KLK13: variants seen among roughly 807,000 people sequenced by gnomAD.
The protein encoded by KLK13 is kallikrein-13.
A neutral mutation model predicts 22.4 loss-of-function variants in KLK13; 19 were observed. The observed-to-expected ratio is 0.85, with a 90% CI of 0.59 to 1.24. The LOEUF (loss-of-function observed/expected upper bound fraction) is 1.24. Ranked by LOEUF, KLK13 falls within the 50% of genes most tolerant of loss-of-function variation. KLK13 has a pLI of 0.00. For missense variants in KLK13, 311 were observed against 347.9 expected (o/e 0.89, Z 0.84); for synonymous variants, 156 against 141.8 (o/e 1.10, Z -0.71).
rs1255278301 is a variant in KLK13 at position 51,060,018 on chromosome 19, G to T, written c.315C>A (p.His105Gln). The change falls in exon 3 of 5, where the codon CAC becomes CAA. Residue 105 changes from histidine to glutamine, a missense_variant. His to Gln is a conservative substitution (Grantham distance 24). Coordinates refer to ENST00000595793, the MANE Select transcript of KLK13 (RefSeq NM_015596.3). ...EAGEQVREVV[H>Q]SIPHPEYRRS... ...TCCGGTATTCAGGGTGGGGGATAGA[G>T]TGGACAACTTCCCTCACCTGCTCAC... 6.2e-7 allele frequency: 1 copy of T among 1,613,836 alleles called. No individual in the cohort carries two copies. Among genetic ancestry groups the T allele is most frequent in the African/African-American group, 1.3e-5 (1 of 74,992 alleles).
intron 4 of KLK13, among the ~76,000 whole-genome samples, chr19:51,057,620 A>G (rs1265086140): frequency 1.3e-5 from 2 of 152,016 alleles, no homozygotes; most frequent in African/African-American, 4.8e-5. Context: ...GTTGTACTCC[A>G]CCACACCTGG....
At chr19:51,059,639 CAT>C (rs962639408) in intron 3 of KLK13, 184 bp downstream of exon 3, 119 of 324,910 alleles carry the variant, frequency 3.7e-4, no homozygotes, top group African/African-American at 2.4e-3. Flanking sequence ...TTTATATACT[CAT>C]ATTTTTATAT....
rs2122721042 is a variant in KLK13 at position 51,064,771 on chromosome 19, C to T, written c.52+245G>A. ...TCCAGAGAGGACAGGAAGCCTTGAACGCGGGAGGGGCTGCTGCGAGGGTAT... is the reference window on the plus strand; with the variant it reads ...TCCAGAGAGGACAGGAAGCCTTGAATGCGGGAGGGGCTGCTGCGAGGGTAT... On this transcript the variant is annotated intron_variant, in intron 1 of 4. Coordinates refer to ENST00000595793, the MANE Select transcript of KLK13 (RefSeq NM_015596.3). The T allele has an allele frequency of 4.7e-6, 3 of 640,126 alleles. No individual in the cohort carries two copies. The East Asian group carries it at 8.5e-5, about 18-fold the overall frequency. The allele number at this position is 640,126 out of a possible 1,614,324, so 39.7% of individuals were successfully genotyped here.
In KLK13 at chr19:51,059,817, G is replaced by C; in HGVS notation, c.508+8C>G. 1 of 1,595,340 alleles carries C rather than the reference G, an allele frequency of 6.3e-7. No individual in the cohort carries two copies. On this transcript the variant is annotated splice_region_variant and intron_variant, in intron 3 of 4. Transcript: ENST00000595793. ...ATGGGGCCTCAGGCCACCTGTGTGG[G>C]TGCATACCCTGGGGGCTGGTGGTGG...
Position 51,058,644 on chromosome 19 carries a change from T to C in KLK13, c.539A>G (p.Asn180Ser), listed in dbSNP as rs761420983. ...CTCCTCATCTGAGCGAAGTTGGATG[T>C]TGGCACATTGTAGAGTTTTGGGGTA... ...VNYPKTLQCA[N>S]IQLRSDEECR... The change falls in exon 4 of 5, where the codon AAC (asparagine) becomes AGC (serine). Residue 180 changes from asparagine (N) to serine (S), a missense_variant. Physicochemically the swap from Asn to Ser is conservative, Grantham distance 46 (BLOSUM62 1). Coordinates refer to ENST00000595793, the MANE Select transcript of KLK13 (RefSeq NM_015596.3). 3.2e-5 allele frequency: 51 copies of C among 1,613,972 alleles called. No homozygotes were observed. The highest frequency in any genetic ancestry group is 4.2e-5 in the Non-Finnish European group (50 of 1,180,030).
chr19:51,064,946 C>T (rs888210776), intron 1 of KLK13, 70 bp downstream of exon 1: 15 of 1,334,228 alleles, frequency 1.1e-5, no homozygotes, highest in Admixed American at 2.6e-5. Flanking sequence ...ACGCCCCCTC[C>T]CCCTCCGGCC....
At chr19:51,060,252 A>C (rs1427317603) in intron 2 of KLK13, among the ~76,000 whole-genome samples, 159 bp from the exon 3 acceptor site, 2 of 151,258 alleles carry the variant, frequency 1.3e-5, no homozygotes, top group African/African-American at 4.9e-5. Context: ...ATCCCATCCA[A>C]ATCCCCTACT....
In KLK13 at chr19:51,059,839, G is replaced by C; in HGVS notation, c.494C>G (p.Thr165Ser). 1 of 1,602,474 alleles carries C rather than the reference G, an allele frequency of 6.2e-7. No homozygotes were observed. The highest frequency in any genetic ancestry group is 1.1e-5 in the South Asian group (1 of 89,300). ...TGGGTGCATACCCTGGGGGCTGGTG[G>C]TGGTGCCCCAGCCAGACACCCGACA... is the stretch of plus-strand genomic sequence containing the variant. ...TTCRVSGWGT[T>S]TSPQVNYPKT... The change falls in exon 3 of 5, where the codon ACC (threonine) becomes AGC (serine). Residue 165 changes from threonine to serine, a missense_variant. Thr to Ser is a moderately conservative substitution (Grantham distance 58). Transcript: ENST00000595793.
chr19:51,056,847 G>A (rs1300731737), intron 4 of KLK13, 72 bp from the exon 5 acceptor site: 3 of 1,184,106 alleles, frequency 2.5e-6, no homozygotes, highest in Non-Finnish European at 3.7e-6. Context: ...ACAGGGAGGT[G>A]TGGGGAGAGA....
intron 1 of KLK13, among the ~76,000 whole-genome samples, chr19:51,062,061 TATTTAA>T (rs2091736109): frequency 6.6e-6 from 1 of 152,254 alleles, no homozygotes; most frequent in African/African-American, 2.4e-5. Flanking sequence ...TACATGTGGC[TATTTAA>T]ATTTAAACTA....
At chr19:51,058,698 T>G in intron 3 of KLK13, 24 bp from the exon 4 acceptor site, 1 of 1,613,618 alleles carries the variant, frequency 6.2e-7, no homozygotes, top group Non-Finnish European at 8.5e-7. Context: ...AGAGAAGGTC[T>G]AAGGTATCCG....
At chr19:51,056,897 A>G in intron 4 of KLK13, 122 bp from the exon 5 acceptor site, 1 of 691,508 alleles carries the variant, frequency 1.4e-6, no homozygotes, top group Non-Finnish European at 2.4e-6. Context: ...AAGGAGACTC[A>G]GAGAGGCAGA....
At position 51,060,044 on chromosome 19, in the gene KLK13, C is replaced by T; in HGVS notation, c.289G>A (p.Gly97Ser). 6.2e-7 allele frequency: 1 copy of T among 1,613,762 alleles called. No homozygotes were observed. Among genetic ancestry groups the T allele is most frequent in the South Asian group, 1.1e-5 (1 of 91,072 alleles). The change falls in exon 3 of 5, where the codon GGT becomes AGT. Residue 97 changes from glycine to serine, a missense_variant. By Grantham distance (56) the Gly-to-Ser change is moderately conservative. Coordinates refer to ENST00000595793, the MANE Select transcript of KLK13 (RefSeq NM_015596.3). The part of the protein sequence containing the change: ...GKHALGRVEA[G>S]EQVREVVHSI... ...TGGACAACTTCCCTCACCTGCTCAC[C>T]AGCTTCCACACGCCCTAGGGCGTGC...
chr19:51,060,780 G>A (rs2091723448), intron 1 of KLK13, among the ~76,000 whole-genome samples, 161 bp from the exon 2 acceptor site: 1 of 152,162 alleles, frequency 6.6e-6, no homozygotes, highest in Non-Finnish European at 1.5e-5. Context: ...TCTTGACCAA[G>A]TGGAGATGAA....
intron 1 of KLK13, among the ~76,000 whole-genome samples, chr19:51,062,004 A>G (rs1025965942): frequency 5.9e-5 from 9 of 152,224 alleles, no homozygotes; most frequent in Non-Finnish European, 1.2e-4. Flanking sequence ...CTCTCTCTGC[A>G]CAGTCCTTTC....
upstream of KLK13, chr19:51,065,228 C>T: frequency 1.9e-6 from 1 of 532,048 alleles, no homozygotes; most frequent in Non-Finnish European, 3.3e-6. Flanking sequence ...GGAATCTGCC[C>T]CCCGCCTCCA....
upstream of KLK13, chr19:51,065,130 T>A (rs2091771176): frequency 2.4e-6 from 3 of 1,232,664 alleles, no homozygotes; most frequent in Non-Finnish European, 3.4e-6. Context: ...GAAGGGGGTG[T>A]TGAGGGCGTG....
chr19:51,064,729 C>A, intron 1 of KLK13: 1 of 641,400 alleles, frequency 1.6e-6, no homozygotes, highest in Non-Finnish European at 2.9e-6. Context: ...AGGACGCGAA[C>A]CCATGTCTTT....
chr19:51,058,772 A>T, intron 3 of KLK13, 98 bp from the exon 4 acceptor site: 3 of 1,191,994 alleles, frequency 2.5e-6, no homozygotes, highest in Non-Finnish European at 3.7e-6. Context: ...GTAGATAGAA[A>T]ATTGAGATGG....
Sources: gnomAD v4.1 joint callset for allele counts (sites outside exome capture counted in the v4.1 genomes callset) on GRCh38, gnomAD v4.1.1 for gene constraint, MANE v1.5 for transcripts, NCBI Gene and HGNC (gene_info 2026-07-23, HGNC 2026-07-21) for gene names.